Variants in SLC22A24 observed in about 807,000 individuals in gnomAD.
SLC22A24 encodes the protein solute carrier family 22 member 24.
SLC22A24 carries 53 observed loss-of-function variants against 49.8 expected under a neutral mutation model. That is an observed-to-expected ratio of 1.06 (90% confidence interval 0.85 to 1.34). The LOEUF (loss-of-function observed/expected upper bound fraction) is 1.34, where lower values mean the gene tolerates loss of function less well. Ranked by LOEUF, SLC22A24 falls within the 40% of genes most tolerant of loss-of-function variation. The probability of loss-of-function intolerance (pLI) is 0.00; values close to 1 mark genes in which losing one functional copy is unlikely to be tolerated. For missense variants in SLC22A24, 786 were observed against 675.9 expected (o/e 1.16, Z -1.81); for synonymous variants, 302 against 256.4 (o/e 1.18, Z -1.70).
intron 4 of SLC22A24, among the ~76,000 whole-genome samples, chr11:63,108,507 G>A (rs1033783267): frequency 4.6e-5 from 7 of 152,124 alleles, no homozygotes; most frequent in Admixed American, 4.6e-4. Flanking sequence ...GGAAGGAATG[G>A]TATCAGCTCT....
intron 4 of SLC22A24, among the ~76,000 whole-genome samples, chr11:63,105,948 T>G (rs1251173054): frequency 6.6e-6 from 1 of 152,182 alleles, no homozygotes; most frequent in Non-Finnish European, 1.5e-5. Context: ...ATTATTATTA[T>G]ACTTTAAGTT....
intron 2 of SLC22A24, among the ~76,000 whole-genome samples, chr11:63,125,114 T>TA (rs72251308): frequency 0.032 from 4,878 of 151,330 alleles, 265 homozygotes; most frequent in African/African-American, 0.11. Flanking sequence ...AATACAAAAA[T>TA]AAAAAAAAAC....
chr11:63,113,203 C>CACATATATATATACAT lies in SLC22A24; in HGVS notation c.830+5708_830+5709insATGTATATATATATGT. 5.3e-4 allele frequency among the ~76,000 whole-genome samples: 2 copies of CACATATATATATACAT among 3,746 alleles called. 1 individual carries two copies. The highest frequency in any genetic ancestry group is 1.1e-3 in the African/African-American group (2 of 1,784). The allele number at this position is 3,746 out of a possible 152,430, so 2.5% of individuals were successfully genotyped here. A position where few individuals can be genotyped will look rare whatever the true frequency, so the allele number is the denominator to read the frequency against. ...ATATATATATACACATATATATATA[C>CACATATATATATACAT]ATATATATACACATATATATATATA... On this transcript the variant is annotated intron_variant, in intron 4 of 9. Transcript: ENST00000612278.
chr11:63,080,365 C>T (rs1030232534), intron 9 of SLC22A24, among the ~76,000 whole-genome samples: 10 of 152,178 alleles, frequency 6.6e-5, no homozygotes, highest in Non-Finnish European at 1.3e-4. Context: ...TTGCCCATGG[C>T]AACAAATTTG....
chr11:63,095,084 A>AG (rs1409474708), intron 6 of SLC22A24, among the ~76,000 whole-genome samples: 3 of 152,194 alleles, frequency 2.0e-5, no homozygotes, highest in African/African-American at 7.2e-5. Context: ...GGTAATGCCT[A>AG]GGTTTTCTTC....
chr11:63,109,416 C>T (rs868795846), intron 4 of SLC22A24, among the ~76,000 whole-genome samples: 2,321 of 145,284 alleles, frequency 0.016, 27 homozygotes, highest in Middle Eastern at 0.043. Flanking sequence ...CCTGAGGAAT[C>T]GCCACACTGA....
intron 7 of SLC22A24, among the ~76,000 whole-genome samples, chr11:63,082,439 T>G (rs2086965505): frequency 1.3e-5 from 2 of 152,186 alleles, no homozygotes; most frequent in Non-Finnish European, 2.9e-5. Context: ...GCAGGAGGCA[T>G]GGAGCCCACC....
intron 1 of SLC22A24, among the ~76,000 whole-genome samples, chr11:63,142,333 A>C (rs2087420977): frequency 6.6e-6 from 1 of 152,062 alleles, no homozygotes; most frequent in Non-Finnish European, 1.5e-5. Context: ...GTGTTATAAA[A>C]CCCAAAGGGA....
chr11:63,081,555 T>C lies in SLC22A24; in HGVS notation c.1394+3A>G, dbSNP rs1256548604. The C allele has an allele frequency of 1.9e-6, 3 of 1,544,876 alleles. No individual in the cohort carries two copies. In the South Asian group the frequency reaches 3.6e-5, roughly 18 times the overall value. Reference sequence around the variant, plus strand: ...GAAACCAGATGGTCTTTAGCTCTTGTACCTCAATATGGTGGGGACGAGCTC... The same window carrying C: ...GAAACCAGATGGTCTTTAGCTCTTGCACCTCAATATGGTGGGGACGAGCTC... On this transcript the variant is annotated splice_donor_region_variant and intron_variant, in intron 8 of 9. Transcript: ENST00000612278.
intron 5 of SLC22A24, among the ~76,000 whole-genome samples, chr11:63,102,225 T>A (rs1459357761): frequency 6.6e-6 from 1 of 152,152 alleles, no homozygotes; most frequent in Non-Finnish European, 1.5e-5. Flanking sequence ...TTATAACTAC[T>A]ATGTACCCAT....
At chr11:63,104,022 G>T (rs2087105874) in intron 5 of SLC22A24, 153 bp downstream of exon 5, 5 of 632,936 alleles carry the variant, frequency 7.9e-6, no homozygotes, top group South Asian at 3.3e-5. Context: ...CCAAATCTTT[G>T]ACAGGAGGAA....
chr11:63,098,228 G>A (rs2087067704), intron 5 of SLC22A24, among the ~76,000 whole-genome samples: 1 of 152,008 alleles, frequency 6.6e-6, no homozygotes, highest in Non-Finnish European at 1.5e-5. Context: ...ATGACCAGTG[G>A]GTTAATGAAT....
At chr11:63,122,659 C>T (rs1466683031) in intron 2 of SLC22A24, among the ~76,000 whole-genome samples, 1 of 152,072 alleles carries the variant, frequency 6.6e-6, no homozygotes, top group East Asian at 1.9e-4. Flanking sequence ...GGACTACAGG[C>T]ACCCATCACC....
chr11:63,101,867 A>T (rs556779918), intron 5 of SLC22A24, among the ~76,000 whole-genome samples: 1 of 152,136 alleles, frequency 6.6e-6, no homozygotes, highest in Non-Finnish European at 1.5e-5. Context: ...TCTCAGGAAC[A>T]TTTGTGGGAG....
Position 63,081,088 on chromosome 11 carries a change from C to G in SLC22A24, c.1430G>C (p.Arg477Thr), listed in dbSNP as rs754877542. 137 of 1,551,502 alleles carry G rather than the reference C, an allele frequency of 8.8e-5. No homozygotes were observed. Among genetic ancestry groups the G allele is most frequent in the Non-Finnish European group, 1.2e-4 (136 of 1,146,926 alleles). Reference protein sequence around the residue: ...TVAGINAVSGRTGAALAPLLM... With the variant: ...TVAGINAVSGTTGAALAPLLM... ...CAGAGGAGCCAGTGCTGCCCCAGTC[C>G]TACCGGACACTGCATTGATTCCTGC... The change falls in exon 9 of 10, where the codon AGG becomes ACG. Residue 477 changes from arginine (R) to threonine (T), a missense_variant. Physicochemically the swap from Arg to Thr is moderately conservative, Grantham distance 71. Coordinates refer to ENST00000612278, the MANE Select transcript of SLC22A24 (RefSeq NM_001136506.2).
chr11:63,089,506 A>G (rs2087005723), intron 6 of SLC22A24, among the ~76,000 whole-genome samples: 1 of 152,252 alleles, frequency 6.6e-6, no homozygotes, highest in Non-Finnish European at 1.5e-5. Flanking sequence ...AAGAAAGCGC[A>G]TCAACTAATG....
intron 4 of SLC22A24, among the ~76,000 whole-genome samples, chr11:63,111,122 T>A (rs370333115): frequency 3.3e-5 from 5 of 151,696 alleles, no homozygotes; most frequent in Non-Finnish European, 7.4e-5. Flanking sequence ...GGTTTTTGTC[T>A]TTGGTTCTTT....
At chr11:63,105,736 C>T (rs558780483) in intron 4 of SLC22A24, among the ~76,000 whole-genome samples, 1 of 152,148 alleles carries the variant, frequency 6.6e-6, no homozygotes, top group East Asian at 1.9e-4. Context: ...CCAAATGTCT[C>T]TGACATGCCC....
At chr11:63,121,319 AT>A (rs1319915367) in intron 2 of SLC22A24, among the ~76,000 whole-genome samples, 1 of 152,198 alleles carries the variant, frequency 6.6e-6, no homozygotes, top group Admixed American at 6.5e-5. Context: ...AGTAAAAAAA[AT>A]TCTCATAGTA....
Sources: gnomAD v4.1 joint callset for allele counts (sites outside exome capture counted in the v4.1 genomes callset) on GRCh38, gnomAD v4.1.1 for gene constraint, MANE v1.5 for transcripts, NCBI Gene and HGNC (gene_info 2026-07-23, HGNC 2026-07-21) for gene names.